Variants in RGS5 observed in about 807,000 individuals in gnomAD.
RGS5 encodes regulator of G-protein signalling 5.
Under a neutral mutation model 18.9 loss-of-function variants are expected in RGS5, and 20 were observed. That is an observed-to-expected ratio of 1.06 (90% CI 0.74 to 1.54). RGS5 has a LOEUF of 1.54. Among genes scored for constraint, RGS5 ranks in the 40% most tolerant of loss-of-function variants. The pLI, the probability that RGS5 is intolerant of heterozygous loss-of-function variation, is 0.00. For missense variants in RGS5, 201 were observed against 211.8 expected (o/e 0.95, Z 0.32); for synonymous variants, 57 against 76.2 (o/e 0.75, Z 1.31).
rs115418351 is a variant in RGS5, at chr1:163,257,657, T to C, written c.-281+48576A>G. Reference sequence around the variant, plus strand: ...CAACACTAGAAAGTATCTCACAGAATGTAACTAGAAGTGACATTTCCTGGA... The same window carrying C: ...CAACACTAGAAAGTATCTCACAGAACGTAACTAGAAGTGACATTTCCTGGA... On this transcript the variant is annotated intron_variant, in intron 2 of 5. Coordinates refer to the RGS5 transcript ENST00000618415. Among the ~76,000 whole-genome samples, 332 of 152,324 alleles carry C rather than the reference T, an allele frequency of 2.2e-3. 2 individuals carry two copies. Among genetic ancestry groups the C allele is most frequent in the African/African-American group, 7.8e-3 (326 of 41,572 alleles).
chr1:163,231,812 T>A (rs1647489474), intron 2 of RGS5, among the ~76,000 whole-genome samples: 1 of 151,358 alleles, frequency 6.6e-6, no homozygotes, highest in Non-Finnish European at 1.5e-5. Flanking sequence ...TTAAAATTGT[T>A]ACTTCATTCA....
At chr1:163,214,376 C>T (rs551008394) in intron 1 of RGS5, among the ~76,000 whole-genome samples, 10 of 152,214 alleles carry the variant, frequency 6.6e-5, no homozygotes, top group South Asian at 4.1e-4. Context: ...CTCCTCAAGG[C>T]GTTGCACCAC....
chr1:163,261,705 G>A (rs1648441536), intron 2 of RGS5, among the ~76,000 whole-genome samples: 1 of 152,110 alleles, frequency 6.6e-6, no homozygotes, highest in Non-Finnish European at 1.5e-5. Context: ...AAACAAACCA[G>A]GATCAAGAGG....
At chr1:163,279,602 G>C (rs1203513726) in intron 2 of RGS5, among the ~76,000 whole-genome samples, 1 of 151,790 alleles carries the variant, frequency 6.6e-6, no homozygotes, top group Non-Finnish European at 1.5e-5. Flanking sequence ...GGCACCTCAA[G>C]GGATCAGAAA....
At chr1:163,226,743 T>G in intron 2 of RGS5, among the ~76,000 whole-genome samples, 1 of 152,238 alleles carries the variant, frequency 6.6e-6, no homozygotes, top group African/African-American at 2.4e-5. Context: ...AAGTTTTATG[T>G]GATGTGTGAG....
At chr1:163,308,870 A>AGAGTTAT (rs1375794746) in intron 1 of RGS5, among the ~76,000 whole-genome samples, 1 of 152,248 alleles carries the variant, frequency 6.6e-6, no homozygotes, top group Non-Finnish European at 1.5e-5. Context: ...GTGCATATAA[A>AGAGTTAT]GAGTTATGTT....
chr1:163,193,115 C>A (rs572789771), intron 1 of RGS5, among the ~76,000 whole-genome samples: 1 of 152,138 alleles, frequency 6.6e-6, no homozygotes, highest in Non-Finnish European at 1.5e-5. Flanking sequence ...TACTTTATTT[C>A]GTGTTGCTTT....
intron 1 of RGS5, among the ~76,000 whole-genome samples, chr1:163,185,825 T>A (rs545183406): frequency 6.6e-6 from 1 of 152,236 alleles, no homozygotes; most frequent in Non-Finnish European, 1.5e-5. Context: ...AATAATCCTA[T>A]GAGACAGGTA....
At chr1:163,316,936 G>A (rs1509020) in intron 1 of RGS5, among the ~76,000 whole-genome samples, 2,663 of 152,298 alleles carry the variant, frequency 0.017, 34 homozygotes, top group Non-Finnish European at 0.029. Context: ...CATGGTGTTA[G>A]GTGTTGGAGC....
At chr1:163,246,276 T>C (rs1025983966) in intron 2 of RGS5, among the ~76,000 whole-genome samples, 1 of 139,262 alleles carries the variant, frequency 7.2e-6, no homozygotes, top group Non-Finnish European at 1.6e-5. Context: ...TAAAAAAGAA[T>C]AGCCAAGCAC....
chr1:163,262,780 T>G (rs1648479985), intron 2 of RGS5, among the ~76,000 whole-genome samples: 1 of 151,148 alleles, frequency 6.6e-6, no homozygotes, highest in African/African-American at 2.4e-5. Context: ...ACCAACAGTG[T>G]AAAAGTGTTC....
intron 2 of RGS5, among the ~76,000 whole-genome samples, chr1:163,163,040 G>C (rs1206772503): frequency 3.7e-5 from 1 of 26,856 alleles, no homozygotes; most frequent in Non-Finnish European, 1.2e-4. Context: ...ATGATATTTC[G>C]GGGGGGGGGG....
intron 3 of RGS5, among the ~76,000 whole-genome samples, chr1:163,155,259 T>A (rs539967968): frequency 7.8e-4 from 119 of 152,312 alleles, no homozygotes; most frequent in African/African-American, 2.7e-3. Context: ...CAAACATTCT[T>A]ATTTATGACA....
chr1:163,164,872 G>A, intron 2 of RGS5, among the ~76,000 whole-genome samples: 1 of 152,094 alleles, frequency 6.6e-6, no homozygotes, highest in South Asian at 2.1e-4. Context: ...CGCAGTGCCT[G>A]GCACATACTT....
chr1:163,168,438 C>A, intron 1 of RGS5, 70 bp from the exon 2 acceptor site: 2 of 1,164,466 alleles, frequency 1.7e-6, no homozygotes, highest in African/African-American at 1.5e-5. Flanking sequence ...GAGATTTCTT[C>A]CTGTGTCAGA....
chr1:163,202,748 T>C, intron 1 of RGS5, 44 bp downstream of exon 1: 1 of 1,590,950 alleles, frequency 6.3e-7, no homozygotes, highest in East Asian at 2.2e-5. Flanking sequence ...GAGTAAAGAT[T>C]CTCCATATCT....
chr1:163,175,274 C>T (rs1658496728), intron 1 of RGS5, among the ~76,000 whole-genome samples: 1 of 152,070 alleles, frequency 6.6e-6, no homozygotes, highest in African/African-American at 2.4e-5. Flanking sequence ...GAGGTAGAAC[C>T]CAGCAGAGAC....
intron 1 of RGS5, among the ~76,000 whole-genome samples, chr1:163,317,465 G>A (rs1650058064): frequency 6.6e-6 from 1 of 152,092 alleles, no homozygotes; most frequent in Admixed American, 6.6e-5. Context: ...TATCCACACT[G>A]GCAATGCCCC....
chr1:163,224,877 CT>C (rs947617292), intron 2 of RGS5, among the ~76,000 whole-genome samples: 6 of 151,098 alleles, frequency 4.0e-5, no homozygotes, highest in East Asian at 1.9e-4. Flanking sequence ...GGCCATCAGA[CT>C]TTTTTTTTGT....
Sources: allele counts gnomAD v4.1 joint callset (sites outside exome capture counted in the v4.1 genomes callset), GRCh38; gene constraint gnomAD v4.1.1; transcripts MANE v1.5; gene names NCBI Gene and HGNC (gene_info 2026-07-23, HGNC 2026-07-21).